The following NR2F1-AS1 variants were observed in gnomAD, a reference collection of about 807,000 sequenced individuals.
NR2F1-AS1 encodes the protein NR2F1 regulatory antisense RNA 1.
intron 2 of NR2F1-AS1, among the ~76,000 whole-genome samples, chr5:93,558,164 T>C (rs1752403683): frequency 1.3e-5 from 2 of 152,196 alleles, no homozygotes; most frequent in Non-Finnish European, 2.9e-5. Flanking sequence ...CAATATCTTG[T>C]CCATGTTGAT....
At chr5:93,414,476 T>C (rs1195654481) in intron 4 of NR2F1-AS1, among the ~76,000 whole-genome samples, 1 of 152,218 alleles carries the variant, frequency 6.6e-6, no homozygotes, top group Non-Finnish European at 1.5e-5. Context: ...GTGGCTAAGG[T>C]GAGAACATGC....
At chr5:93,536,179 A>T (rs992052435) in intron 4 of NR2F1-AS1, among the ~76,000 whole-genome samples, 7 of 152,196 alleles carry the variant, frequency 4.6e-5, no homozygotes, top group Non-Finnish European at 8.8e-5. Context: ...ATAGAAAACA[A>T]TTCCATTTCC....
At chr5:93,466,354 A>T (rs1425118593) in intron 4 of NR2F1-AS1, among the ~76,000 whole-genome samples, 1 of 146,968 alleles carries the variant, frequency 6.8e-6, no homozygotes, top group African/African-American at 2.5e-5. Context: ...TTCTTGAGAC[A>T]TGGTCTCGCT....
intron 4 of NR2F1-AS1, among the ~76,000 whole-genome samples, chr5:93,479,845 A>AT (rs145968266): frequency 1.2e-4 from 18 of 151,768 alleles, no homozygotes; most frequent in South Asian, 4.2e-4. Context: ...AATAGAAATT[A>AT]TTTTTTTTTA....
intron 1 of NR2F1-AS1, among the ~76,000 whole-genome samples, chr5:93,576,498 A>G (rs2149932865): frequency 6.6e-6 from 1 of 151,874 alleles, no homozygotes; most frequent in Non-Finnish European, 1.5e-5. Context: ...ACATTGTAAT[A>G]AATATATCTT....
chr5:93,546,019 C>T (rs1163182443), intron 4 of NR2F1-AS1, among the ~76,000 whole-genome samples: 1 of 152,132 alleles, frequency 6.6e-6, no homozygotes. Context: ...TCTTCAGATT[C>T]GGACAGACTG....
intron 4 of NR2F1-AS1, among the ~76,000 whole-genome samples, chr5:93,451,171 C>G (rs529242960): frequency 1.3e-5 from 2 of 151,754 alleles, no homozygotes; most frequent in Non-Finnish European, 2.9e-5. Context: ...TTAAAGTACT[C>G]CTAGTTAAGA....
At chr5:93,491,096 G>A (rs1403932838) in intron 4 of NR2F1-AS1, among the ~76,000 whole-genome samples, 3 of 150,758 alleles carry the variant, frequency 2.0e-5, no homozygotes, top group Admixed American at 2.0e-4. Flanking sequence ...GATGGTGGTT[G>A]TAGTCATGCT....
intron 4 of NR2F1-AS1, among the ~76,000 whole-genome samples, chr5:93,474,872 TC>T (rs1750446779): frequency 6.6e-6 from 1 of 152,080 alleles, no homozygotes; most frequent in Non-Finnish European, 1.5e-5. Flanking sequence ...CGCCTGTAAA[TC>T]CCAGCACTTT....
intron 4 of NR2F1-AS1, among the ~76,000 whole-genome samples, chr5:93,516,549 CACA>C (rs1177914516): frequency 6.6e-6 from 1 of 151,848 alleles, no homozygotes; most frequent in Non-Finnish European, 1.5e-5. Flanking sequence ...ATTTAAGCTA[CACA>C]ACAACCCTAT....
At chr5:93,501,489 G>C (rs1353100732) in intron 4 of NR2F1-AS1, among the ~76,000 whole-genome samples, 2 of 151,788 alleles carry the variant, frequency 1.3e-5, no homozygotes, top group Non-Finnish European at 2.9e-5. Flanking sequence ...GAGTAGCTAG[G>C]ATTACAGGTG....
rs372507368 is a variant in NR2F1-AS1 at position 93,475,562 on chromosome 5, G to A, written n.638+78199C>T. Reference sequence around the variant, plus strand: ...CACAACTGCTTTCATTAAGTTAAATGTACCTATAGTAGGATGAACAAGTAT... The same window carrying A: ...CACAACTGCTTTCATTAAGTTAAATATACCTATAGTAGGATGAACAAGTAT... On this transcript the variant is annotated intron_variant and non_coding_transcript_variant, in intron 4 of 5. Coordinates refer to ENST00000660523, the Ensembl canonical transcript of NR2F1-AS1. Among the ~76,000 whole-genome samples the A allele has an allele frequency of 2.5e-4, 38 of 152,248 alleles. No homozygotes were observed. The East Asian group carries it at 4.8e-3, about 19-fold the overall frequency.
intron 4 of NR2F1-AS1, among the ~76,000 whole-genome samples, chr5:93,528,771 C>G (rs1751673464): frequency 6.6e-6 from 1 of 152,014 alleles, no homozygotes; most frequent in Non-Finnish European, 1.5e-5. Context: ...AGCTGGAAAC[C>G]ATCATTCTCA....
chr5:93,512,142 A>G (rs942348527), intron 4 of NR2F1-AS1, among the ~76,000 whole-genome samples: 1 of 152,230 alleles, frequency 6.6e-6, no homozygotes, highest in Admixed American at 6.5e-5. Flanking sequence ...AGCTCCATGC[A>G]TGTTATTGCC....
intron 4 of NR2F1-AS1, among the ~76,000 whole-genome samples, chr5:93,510,552 G>GT (rs1357775565): frequency 2.0e-5 from 3 of 152,080 alleles, no homozygotes; most frequent in African/African-American, 7.2e-5. Flanking sequence ...TTTTCTACTA[G>GT]CTTTTTGTGA....
intron 4 of NR2F1-AS1, among the ~76,000 whole-genome samples, chr5:93,550,646 AC>A (rs1334477229): frequency 8.5e-5 from 13 of 152,362 alleles, no homozygotes; most frequent in African/African-American, 3.1e-4. Flanking sequence ...CTGAAAAATA[AC>A]ATCATCACTG....
intron 4 of NR2F1-AS1, among the ~76,000 whole-genome samples, chr5:93,505,523 T>C (rs963969974): frequency 5.3e-5 from 8 of 151,406 alleles, no homozygotes; most frequent in Non-Finnish European, 1.0e-4. Flanking sequence ...CAGCAAACTT[T>C]TGTCTGTGCA....
intron 4 of NR2F1-AS1, chr5:93,411,442 G>A (rs1228276374): frequency 6.6e-6 from 1 of 152,184 alleles, no homozygotes; most frequent in Non-Finnish European, 1.5e-5. Context: ...TTTCCAAAGA[G>A]AAAACGTGCA....
chr5:93,445,117 A>G (rs1749667096), intron 4 of NR2F1-AS1, among the ~76,000 whole-genome samples: 1 of 152,200 alleles, frequency 6.6e-6, no homozygotes, highest in Non-Finnish European at 1.5e-5. Flanking sequence ...TAAAATTGAC[A>G]CCCTAACATC....
Sources: gnomAD v4.1 joint callset for allele counts (sites outside exome capture counted in the v4.1 genomes callset) on GRCh38, gnomAD v4.1.1 for gene constraint, MANE v1.5 for transcripts, NCBI Gene and HGNC (gene_info 2026-07-23, HGNC 2026-07-21) for gene names.